CYP39A1: variants seen among roughly 807,000 people sequenced by gnomAD.
CYP39A1 encodes the protein cytochrome P450 family 39 subfamily A member 1.
In CYP39A1, 49 loss-of-function variants were observed where a neutral mutation model predicts 58.1. The ratio of observed to expected loss-of-function variants is 0.84; its 90% confidence interval spans 0.67 to 1.07. The LOEUF (loss-of-function observed/expected upper bound fraction) is 1.07. Ranked by LOEUF, CYP39A1 falls within the 50% of genes least tolerant of loss-of-function variation. CYP39A1 has a pLI of 0.00. For missense variants in CYP39A1, 531 were observed against 539.4 expected (o/e 0.98, Z 0.16); for synonymous variants, 209 against 187.6 (o/e 1.11, Z -0.93).
At chr6:46,638,450 C>T (rs1179624219) in intron 3 of CYP39A1, among the ~76,000 whole-genome samples, 1 of 152,122 alleles carries the variant, frequency 6.6e-6, no homozygotes, top group Non-Finnish European at 1.5e-5. Flanking sequence ...AAATATAGTA[C>T]ATATCATCAA....
intron 5 of CYP39A1, among the ~76,000 whole-genome samples, chr6:46,636,123 T>C (rs892214102): frequency 6.6e-6 from 1 of 152,196 alleles, no homozygotes; most frequent in African/African-American, 2.4e-5. Flanking sequence ...GCCAACTGTA[T>C]GATAACACAG....
At chr6:46,571,090 C>T (rs540692700) in intron 10 of CYP39A1, among the ~76,000 whole-genome samples, 1 of 152,248 alleles carries the variant, frequency 6.6e-6, no homozygotes, top group East Asian at 1.9e-4. Context: ...AGAAAGGGCA[C>T]TTGATATGCC....
intron 8 of CYP39A1, among the ~76,000 whole-genome samples, chr6:46,590,541 G>A (rs554147695): frequency 1.3e-5 from 2 of 151,312 alleles, no homozygotes; most frequent in Non-Finnish European, 1.5e-5. Flanking sequence ...TGTTTGTGCC[G>A]AAAAAAAATA....
intron 7 of CYP39A1, among the ~76,000 whole-genome samples, chr6:46,622,813 C>A (rs1267121224): frequency 6.6e-6 from 1 of 152,058 alleles, no homozygotes; most frequent in East Asian, 1.9e-4. Context: ...AGCATCTTCA[C>A]AAAGGAGCCC....
chr6:46,614,613 C>T (rs1486056843), intron 7 of CYP39A1, among the ~76,000 whole-genome samples: 3 of 152,136 alleles, frequency 2.0e-5, no homozygotes, highest in African/African-American at 7.2e-5. Context: ...ATTCACTTTT[C>T]CTGATAGCTG....
chr6:46,598,085 C>T (rs1467677634), intron 7 of CYP39A1, among the ~76,000 whole-genome samples: 3 of 152,072 alleles, frequency 2.0e-5, no homozygotes, highest in Non-Finnish European at 4.4e-5. Flanking sequence ...GAAATATTTG[C>T]AAGATGTCAA....
At chr6:46,563,070 T>C (rs1387564928) in intron 10 of CYP39A1, among the ~76,000 whole-genome samples, 4 of 150,528 alleles carry the variant, frequency 2.7e-5, no homozygotes, top group Non-Finnish European at 4.4e-5. Flanking sequence ...GATATTCTAA[T>C]AGAATTACCT....
chr6:46,637,223 G>A (rs1005782518), intron 4 of CYP39A1, among the ~76,000 whole-genome samples: 6 of 151,940 alleles, frequency 3.9e-5, no homozygotes, highest in African/African-American at 4.8e-5. Flanking sequence ...TCACCAGAAC[G>A]TGACCATGCT....
chr6:46,564,360 A>AT (rs1291430884), intron 10 of CYP39A1, among the ~76,000 whole-genome samples: 7 of 151,170 alleles, frequency 4.6e-5, no homozygotes, highest in African/African-American at 1.5e-4. Context: ...CACCCAAGTA[A>AT]TTTTTTTGTA....
rs1442816974 is a variant in CYP39A1 at position 46,557,855 on chromosome 6, G to A, written c.1251-4001C>T. Among the ~76,000 whole-genome samples, 3 of 137,966 alleles carry A rather than the reference G, an allele frequency of 2.2e-5. No individual in the cohort carries two copies. The Admixed American group carries it at 2.4e-4, about 11-fold the overall frequency. 90.5% of individuals were successfully genotyped at this position (137,966 alleles called of 152,430 possible). A position where few individuals can be genotyped will look rare whatever the true frequency, so the allele number is the denominator to read the frequency against. On this transcript the variant is annotated intron_variant, in intron 10 of 11. Transcript: ENST00000275016. ...CGGAGGCTGAGGCAGAGAATTGCTTGAACTCCGGAGGCAGAGTTTGCAATG... is the reference window on the plus strand; with the variant it reads ...CGGAGGCTGAGGCAGAGAATTGCTTAAACTCCGGAGGCAGAGTTTGCAATG...
intron 5 of CYP39A1, among the ~76,000 whole-genome samples, chr6:46,634,608 G>T (rs534288833): frequency 7.0e-6 from 1 of 143,302 alleles, no homozygotes; most frequent in Non-Finnish European, 1.5e-5. Flanking sequence ...CATAACCTCC[G>T]CCTCCCAGGT....
At chr6:46,586,331 A>T (rs720286) in intron 10 of CYP39A1, 36,843 of 983,854 alleles carry the variant, frequency 0.037, 1,293 homozygotes, top group Admixed American at 0.18. Context: ...TGTCATAAAC[A>T]GGTACTGACA....
chr6:46,600,093 T>C (rs757928751), intron 7 of CYP39A1, among the ~76,000 whole-genome samples: 1 of 151,964 alleles, frequency 6.6e-6, no homozygotes, highest in Non-Finnish European at 1.5e-5. Flanking sequence ...TTGGTATTCA[T>C]ACATAATAAG....
At position 46,587,381 on chromosome 6, in the gene CYP39A1, G is replaced by C. The variant is rs555117819; in HGVS notation, c.1162-216C>G. On this transcript the variant is annotated intron_variant, in intron 9 of 11. Transcript: ENST00000275016. ...AAAGGTTTTTAAAAAATTCTGTTAA[G>C]TGGTAAATGTAAATGATAAGGTAAA... Among the ~76,000 whole-genome samples the C allele has an allele frequency of 1.8e-4, 28 of 152,206 alleles. No homozygotes were observed. The South Asian group carries it at 5.8e-3, about 31-fold the overall frequency.
rs1047722845 is a variant in CYP39A1, at chr6:46,550,421, A to G, written c.1355T>C (p.Val452Ala). Residue 452 changes from valine (V) to alanine (A), a missense_variant, in exon 12 of 12, where the codon GTG becomes GCG. Physicochemically the swap from Val to Ala is moderately conservative, Grantham distance 64. Transcript: ENST00000275016. ...PLPKQSYLHL[V>A]GVPQPEGQCR... ...TTGCCCTTCCGGCTGGGGGACACCC[A>G]CCAAATGGAGATAACTCTAAAAACA... The G allele has an allele frequency of 1.2e-6, 2 of 1,611,978 alleles. No individual in the cohort carries two copies. Among genetic ancestry groups the G allele is most frequent in the African/African-American group, 2.7e-5 (2 of 74,872 alleles).
At chr6:46,636,101 G>C (rs775934598) in intron 5 of CYP39A1, among the ~76,000 whole-genome samples, 27 of 152,112 alleles carry the variant, frequency 1.8e-4, no homozygotes, top group African/African-American at 6.5e-4. Context: ...TTCACCTGTC[G>C]CTATTGACAC....
At chr6:46,589,289 C>CA (rs1772670361) in intron 8 of CYP39A1, among the ~76,000 whole-genome samples, 1 of 151,634 alleles carries the variant, frequency 6.6e-6, no homozygotes, top group African/African-American at 2.4e-5. Flanking sequence ...CTTGTCTCTA[C>CA]AAAAAAATGA....
At chr6:46,600,839 C>T (rs1309952753) in intron 7 of CYP39A1, among the ~76,000 whole-genome samples, 3 of 152,138 alleles carry the variant, frequency 2.0e-5, no homozygotes, top group African/African-American at 4.8e-5. Flanking sequence ...CATAGTGTTT[C>T]CCTGAGTTCT....
chr6:46,607,547 C>T (rs987648309), intron 7 of CYP39A1, among the ~76,000 whole-genome samples: 1 of 151,626 alleles, frequency 6.6e-6, no homozygotes, highest in African/African-American at 2.4e-5. Flanking sequence ...ATTGTTTCTA[C>T]AGCTTTGAAG....
Sources: gnomAD v4.1 joint callset for allele counts (sites outside exome capture counted in the v4.1 genomes callset) on GRCh38, gnomAD v4.1.1 for gene constraint, MANE v1.5 for transcripts, NCBI Gene and HGNC (gene_info 2026-07-23, HGNC 2026-07-21) for gene names.